The following PDLIM1 variants were observed in gnomAD, a reference collection of about 807,000 sequenced individuals.
PDLIM1 encodes PDZ and LIM domain 1.
In PDLIM1, 25 loss-of-function variants were observed where a neutral mutation model predicts 35.2. The ratio of observed to expected loss-of-function variants is 0.71; its 90% CI spans 0.52 to 0.99. The LOEUF is 0.99. Among genes scored for constraint, PDLIM1 ranks in the 50% least tolerant of loss-of-function variants. PDLIM1 has a pLI of 0.00. For missense variants in PDLIM1, 363 were observed against 415.3 expected, an observed-to-expected ratio of 0.87 and a Z score of 1.09; for synonymous variants, 152 against 154.0, an observed-to-expected ratio of 0.99 and a Z score of 0.10.
chr10:95,253,817 T>C (rs1220720715), intron 4 of PDLIM1, among the ~76,000 whole-genome samples: 3 of 152,174 alleles, frequency 2.0e-5, no homozygotes, highest in Non-Finnish European at 4.4e-5. Flanking sequence ...TCTAAGTGTA[T>C]AAAAGGATCT....
chr10:95,243,520 C>T (rs1213905507), intron 5 of PDLIM1, among the ~76,000 whole-genome samples: 1 of 152,166 alleles, frequency 6.6e-6, no homozygotes, highest in African/African-American at 2.4e-5. Flanking sequence ...TAACCTTGCA[C>T]CTGGTGGTCC....
Position 95,256,986 on chromosome 10 carries a change from A to AAAAAG in PDLIM1, c.533+6877_533+6878insCTTTT, listed in dbSNP as rs1554832103. On this transcript the variant is annotated intron_variant, in intron 4 of 6. Coordinates refer to ENST00000329399, the MANE Select transcript of PDLIM1 (RefSeq NM_020992.4). Reference sequence around the variant, plus strand: ...TGAGACTTCATCTTAAAAAAAAAAAAAAAGAAAGAAAGAAAGAAAGAAAGA... The same window carrying AAAAAG: ...TGAGACTTCATCTTAAAAAAAAAAAAAAAAGAAAGAAAGAAAGAAAGAAAGAAAGA... Among the ~76,000 whole-genome samples, 388 of 61,658 alleles carry AAAAAG rather than the reference A, an allele frequency of 6.3e-3. 3 individuals carry two copies. The highest frequency in any genetic ancestry group is 0.01 in the Non-Finnish European group (329 of 31,628). The allele number at this position is 61,658 out of a possible 152,430, so 40.5% of individuals were successfully genotyped here. A position where few individuals can be genotyped will look rare whatever the true frequency, so the allele number is the denominator to read the frequency against.
rs540814669 is a variant in PDLIM1, at chr10:95,238,434, G to C, written c.803+134C>G. ...GGCTCTGGGACACAGGACCTTTCTG[G>C]CCTCTCTGTTGCATTTTTCCAGGAG... On this transcript the variant is annotated intron_variant, in intron 6 of 6. Transcript: ENST00000329399. 20 of 691,870 alleles carry C rather than the reference G, an allele frequency of 2.9e-5. No homozygotes were observed. In the African/African-American group the frequency reaches 3.5e-4, roughly 12 times the overall value. 42.9% of individuals were successfully genotyped at this position (691,870 alleles called of 1,614,324 possible).
At chr10:95,247,145 G>C (rs1242123862) in intron 5 of PDLIM1, 70 bp downstream of exon 5, 16 of 1,399,738 alleles carry the variant, frequency 1.1e-5, no homozygotes, top group Non-Finnish European at 1.6e-5. Flanking sequence ...GTTCACCTGT[G>C]CTTCCACAAT....
Position 95,264,059 on chromosome 10 carries a change from A to G in PDLIM1, c.338T>C (p.Val113Ala). Residue 113 changes from valine (V) to alanine (A), a missense_variant, in exon 4 of 7, where the codon GTC becomes GCC. Physicochemically the swap from Val to Ala is moderately conservative, Grantham distance 64. Coordinates refer to ENST00000329399, the MANE Select transcript of PDLIM1 (RefSeq NM_020992.4). The part of the protein sequence containing the change: ...KMNLASEPQE[V>A]LHIGSAHNRS... The stretch of plus-strand genomic sequence containing the variant: ...GTTGTGGGCGCTTCCTATGTGCAGG[A>G]CCTCCTGCAGGCAGGGATCAGAGGA... The G allele has an allele frequency of 1.2e-6, 2 of 1,613,054 alleles. No individual in the cohort carries two copies. Among genetic ancestry groups the G allele is most frequent in the Non-Finnish European group, 1.7e-6 (2 of 1,179,644 alleles).
intron 5 of PDLIM1, among the ~76,000 whole-genome samples, chr10:95,240,468 G>C (rs979242601): frequency 5.9e-5 from 9 of 152,154 alleles, no homozygotes; most frequent in Non-Finnish European, 1.3e-4. Context: ...ATGGTGGAGG[G>C]ACAAGACACA....
At chr10:95,268,545 C>T (rs931743556) in intron 3 of PDLIM1, among the ~76,000 whole-genome samples, 2 of 152,200 alleles carry the variant, frequency 1.3e-5, no homozygotes, top group African/African-American at 2.4e-5. Context: ...TATCGCCTTC[C>T]GACCCCCTGC....
chr10:95,256,973 T>C (rs1049957679), intron 4 of PDLIM1, among the ~76,000 whole-genome samples: 1 of 7,084 alleles, frequency 1.4e-4, no homozygotes, highest in African/African-American at 7.9e-4. Flanking sequence ...AGACTTCATC[T>C]TAAAAAAAAA....
chr10:95,281,043 T>C (rs2035556747), intron 1 of PDLIM1, among the ~76,000 whole-genome samples: 1 of 152,148 alleles, frequency 6.6e-6, no homozygotes, highest in Non-Finnish European at 1.5e-5. Flanking sequence ...ATGTTAATGC[T>C]CATCAGGTTT....
At chr10:95,263,490 TC>T (rs2035383898) in intron 4 of PDLIM1, among the ~76,000 whole-genome samples, 1 of 151,488 alleles carries the variant, frequency 6.6e-6, no homozygotes, top group Non-Finnish European at 1.5e-5. Flanking sequence ...CCTCAAACAC[TC>T]CCCGACTAAT....
intron 4 of PDLIM1, among the ~76,000 whole-genome samples, chr10:95,252,836 G>A (rs1589508825): frequency 2.0e-5 from 3 of 151,962 alleles, no homozygotes; most frequent in East Asian, 3.9e-4. Flanking sequence ...ACAATTTCAA[G>A]ATCATAGAAA....
At chr10:95,242,333 T>C (rs1375189028) in intron 5 of PDLIM1, among the ~76,000 whole-genome samples, 1 of 152,198 alleles carries the variant, frequency 6.6e-6, no homozygotes, top group Non-Finnish European at 1.5e-5. Context: ...ATTTTTTTAA[T>C]ATTGCATTTA....
intron 2 of PDLIM1, among the ~76,000 whole-genome samples, chr10:95,270,387 G>C (rs544182326): frequency 1.3e-5 from 2 of 151,842 alleles, no homozygotes; most frequent in South Asian, 2.1e-4. Context: ...CTAACCAAAG[G>C]CTCCATGACA....
Position 95,263,873 on chromosome 10 carries a change from T to TGC in PDLIM1, c.523_524insGC (p.Asn175SerfsTer6). ...CTCCTGGGCTACTTACGGTCTGCTG[T>TGC]TCGCCTCCACCCCGCTGGCAGCAGT... On this transcript the variant is annotated frameshift_variant, in exon 4 of 7. Coordinates refer to ENST00000329399, the MANE Select transcript of PDLIM1 (RefSeq NM_020992.4). LOFTEE classifies it high-confidence loss of function. 3 of 1,611,440 alleles carry TGC rather than the reference T, an allele frequency of 1.9e-6. No homozygotes were observed. The highest frequency in any genetic ancestry group is 2.5e-6 in the Non-Finnish European group (3 of 1,178,666).
At chr10:95,257,036 A>AAGAAAG (rs1041284691) in intron 4 of PDLIM1, among the ~76,000 whole-genome samples, 2 of 150,868 alleles carry the variant, frequency 1.3e-5, no homozygotes, top group East Asian at 3.9e-4. Flanking sequence ...GAAAGAAAGA[A>AAGAAAG]AGAATTCAAA....
rs1247943050 is a variant in PDLIM1, at chr10:95,290,021, T to C, written c.96+799A>G. Reference sequence around the variant, plus strand: ...TTTATTAGGGGGGCAATGGTTCTGGTGGCCCCTGATTCAACGTGAGTCCTT... The same window carrying C: ...TTTATTAGGGGGGCAATGGTTCTGGCGGCCCCTGATTCAACGTGAGTCCTT... On this transcript the variant is annotated intron_variant, in intron 1 of 6. Coordinates refer to ENST00000329399, the MANE Select transcript of PDLIM1 (RefSeq NM_020992.4). The surrounding 1 kb of genome is among the most constrained non-coding windows in gnomAD (Gnocchi z 4.7). Among the ~76,000 whole-genome samples, 1 of 152,172 alleles carries C rather than the reference T, an allele frequency of 6.6e-6. No homozygotes were observed. The highest frequency in any genetic ancestry group is 1.9e-4 in the East Asian group (1 of 5,204).
chr10:95,275,834 C>T (rs930616703), intron 1 of PDLIM1, among the ~76,000 whole-genome samples: 7 of 152,052 alleles, frequency 4.6e-5, no homozygotes, highest in Non-Finnish European at 8.8e-5. Context: ...CAGTCTTAGG[C>T]GCCCCAAGCC....
rs567006734 is a variant in PDLIM1, at chr10:95,244,409, A to T, written c.685+2806T>A. Among the ~76,000 whole-genome samples, 466 of 152,308 alleles carry T rather than the reference A, an allele frequency of 3.1e-3. 2 individuals are homozygous for T. Among genetic ancestry groups the T allele is most frequent in the Non-Finnish European group, 4.3e-3 (293 of 68,030 alleles). ...AGGTCCTGGCTATTAGCTTCAATGG[A>T]TCTGTGCAGAAACTAGAGCTTAGAA... is the stretch of plus-strand genomic sequence containing the variant. On this transcript the variant is annotated intron_variant, in intron 5 of 6. Coordinates refer to ENST00000329399, the MANE Select transcript of PDLIM1 (RefSeq NM_020992.4).
chr10:95,276,490 G>A (rs12765981), intron 1 of PDLIM1, among the ~76,000 whole-genome samples: 23,990 of 152,138 alleles, frequency 0.16, 2,198 homozygotes, highest in Middle Eastern at 0.28. Context: ...AGTGACAAGG[G>A]TTACAGGAGA....
Sources: allele counts gnomAD v4.1 joint callset (sites outside exome capture counted in the v4.1 genomes callset), GRCh38; gene constraint gnomAD v4.1.1; non-coding constraint Gnocchi (gnomAD v3.1); transcripts MANE v1.5; gene names NCBI Gene and HGNC (gene_info 2026-07-23, HGNC 2026-07-21).